Variants in SLC47A2 observed in about 807,000 individuals in gnomAD.
SLC47A2 encodes the protein solute carrier family 47 member 2.
In SLC47A2, 52 loss-of-function variants were observed where a neutral mutation model predicts 67.7. The ratio of observed to expected loss-of-function variants is 0.77; its 90% CI spans 0.61 to 0.97. SLC47A2 has a LOEUF of 0.97. Ranked by LOEUF, SLC47A2 falls within the 50% of genes least tolerant of loss-of-function variation. The pLI is 0.00. For synonymous variants in SLC47A2, 278 were observed against 292.9 expected (o/e 0.95, Z 0.52); for missense variants, 676 against 712.3 (o/e 0.95, Z 0.58).
chr17:19,713,427 T>G (rs2086158505), intron 4 of SLC47A2, among the ~76,000 whole-genome samples: 1 of 151,778 alleles, frequency 6.6e-6, no homozygotes, highest in South Asian at 2.1e-4. Flanking sequence ...ATCATCATCA[T>G]CATCATCTAT....
In SLC47A2 at chr17:19,707,625, G is replaced by A. The variant is rs1041303811; in HGVS notation, c.727+121C>T. Reference sequence around the variant, plus strand: ...AAAGGGGAAGGAGGGGGCCGTGCAGGGTCCTGCACCTCCTCCAACAGGCTC... The same window carrying A: ...AAAGGGGAAGGAGGGGGCCGTGCAGAGTCCTGCACCTCCTCCAACAGGCTC... On this transcript the variant is annotated intron_variant, in intron 8 of 16. Transcript: ENST00000433844. 1.1e-5 allele frequency: 9 copies of A among 788,740 alleles called. No individual in the cohort carries two copies. The African/African-American group carries it at 1.2e-4, about 11-fold the overall frequency. 48.9% of individuals were successfully genotyped at this position (788,740 alleles called of 1,614,324 possible).
At chr17:19,707,094 C>A (rs1319179082) in intron 8 of SLC47A2, among the ~76,000 whole-genome samples, 1 of 152,154 alleles carries the variant, frequency 6.6e-6, no homozygotes, top group Non-Finnish European at 1.5e-5. Context: ...TTATAGCTGC[C>A]CTGCCTCCCT....
Position 19,678,861 on chromosome 17 carries a change from C to T in SLC47A2, c.1526G>A (p.Arg509Lys). 6.2e-7 allele frequency: 1 copy of T among 1,605,512 alleles called. No individual in the cohort carries two copies. The highest frequency in any genetic ancestry group is 8.5e-7 in the Non-Finnish European group (1 of 1,175,464). ...GAAGAAGTCCACGTGGCACTCAGAC[C>T]TTGAATACGTTGTCAAGGTAATGCC... ...SPGITLTTYS[R>K]SECHVDFFRT... The change falls in exon 17 of 17, where the codon AGG (arginine) becomes AAG (lysine). Residue 509 changes from arginine (R) to lysine (K), a missense_variant. By Grantham distance (26) the Arg-to-Lys change is conservative (BLOSUM62 2). Coordinates refer to ENST00000433844, the MANE Select transcript of SLC47A2 (RefSeq NM_001099646.3).
rs1951727000 is a variant in SLC47A2 at position 19,708,316 on chromosome 17, C to T, written c.615G>A (p.Leu205=). Residue 205 remains leucine, a synonymous_variant, in exon 7 of 17, where the codon CTG becomes CTA. Coordinates refer to ENST00000433844, the MANE Select transcript of SLC47A2 (RefSeq NM_001099646.3). ...GVANYALVSV[L]NLGVRGSAYA... The stretch of plus-strand genomic sequence containing the variant: ...CCCGGGCTCACCTGACCCCCAGGTT[C>T]AGCACAGAAACCAGGGCATAGTTGG... 1 of 1,613,028 alleles carries T rather than the reference C, an allele frequency of 6.2e-7. No individual in the cohort carries two copies. Among genetic ancestry groups the T allele is most frequent in the South Asian group, 1.1e-5 (1 of 91,026 alleles).
chr17:19,701,642 T>TAA (rs1567626009), intron 13 of SLC47A2, among the ~76,000 whole-genome samples: 1 of 152,224 alleles, frequency 6.6e-6, no homozygotes, highest in Non-Finnish European at 1.5e-5. Flanking sequence ...TTCTGCTTAT[T>TAA]AAGCAAGAGT....
chr17:19,711,283 A>T (rs1035161956), intron 5 of SLC47A2, among the ~76,000 whole-genome samples: 3 of 152,142 alleles, frequency 2.0e-5, no homozygotes, highest in African/African-American at 7.2e-5. Context: ...GAAAATGTTC[A>T]ACTTCATTAT....
chr17:19,707,195 G>T (rs2085964125), intron 8 of SLC47A2, among the ~76,000 whole-genome samples: 1 of 151,846 alleles, frequency 6.6e-6, no homozygotes, highest in African/African-American at 2.4e-5. Context: ...GCTCAGCCAG[G>T]GCCCTGCCCC....
At chr17:19,708,207 G>T in intron 7 of SLC47A2, 95 bp downstream of exon 7, 3 of 1,410,374 alleles carry the variant, frequency 2.1e-6, no homozygotes, top group Non-Finnish European at 2.9e-6. Flanking sequence ...GACGGCACAG[G>T]CAGGGCCAGG....
In SLC47A2 at chr17:19,712,677, C is replaced by T. The variant is rs372601407; in HGVS notation, c.486+26G>A. On this transcript the variant is annotated intron_variant, in intron 5 of 16. Transcript: ENST00000433844. ...GCCAGAATTTAGGGGAATGTGATTCCACGCTCAGCAAACAGGGGCACCTAC... is the reference window on the plus strand; with the variant it reads ...GCCAGAATTTAGGGGAATGTGATTCTACGCTCAGCAAACAGGGGCACCTAC... The T allele has an allele frequency of 5.2e-5, 84 of 1,611,120 alleles. No individual in the cohort carries two copies. The Middle Eastern group carries it at 6.6e-4, about 13-fold the overall frequency.
chr17:19,680,065 T>C, intron 15 of SLC47A2, 26 bp from the exon 16 acceptor site: 1 of 1,608,834 alleles, frequency 6.2e-7, no homozygotes, highest in Non-Finnish European at 8.5e-7. Flanking sequence ...CTCAATTGGG[T>C]CAACCTGCCA....
In SLC47A2 at chr17:19,705,489, C is replaced by T; in HGVS notation, c.856G>A (p.Val286Met). The change falls in exon 10 of 17, where the codon GTG (valine) becomes ATG (methionine). Residue 286 changes from valine to methionine, a missense_variant. By Grantham distance (21) the Val-to-Met change is conservative. Transcript: ENST00000433844. ...ATGACAGCCTGGGCAGAGAGATCCA[C>T]CACACTGAGCAGCCCTAGAGAAGAG... ...GSFLMGLLSVVDLSAQAVIYE... is the reference protein window; with the variant it reads ...GSFLMGLLSVMDLSAQAVIYE... 1.2e-6 allele frequency: 2 copies of T among 1,610,122 alleles called. No homozygotes were observed. Among genetic ancestry groups the T allele is most frequent in the South Asian group, 1.1e-5 (1 of 90,480 alleles).
At position 19,706,703 on chromosome 17, in the gene SLC47A2, G is replaced by T. The variant is rs199838072; in HGVS notation, c.786C>A (p.Ser262Arg). The T allele has an allele frequency of 1.9e-6, 3 of 1,611,198 alleles. No homozygotes were observed. The African/African-American group carries it at 4.0e-5, about 22-fold the overall frequency. ...ACCACTCAACACAGATCATGAGCAT[G>T]CTGGGGACAGCCAGGGAGAAGAAGG... The part of the protein sequence containing the change: ...WGPFFSLAVP[S>R]MLMICVEWWA... The change falls in exon 9 of 17, where the codon AGC (serine) becomes AGA (arginine). Residue 262 changes from serine to arginine, a missense_variant. Ser to Arg is a moderately radical substitution (Grantham distance 110). Coordinates refer to ENST00000433844, the MANE Select transcript of SLC47A2 (RefSeq NM_001099646.3).
intron 9 of SLC47A2, among the ~76,000 whole-genome samples, chr17:19,705,824 C>A (rs1009901874): frequency 6.6e-6 from 1 of 152,212 alleles, no homozygotes; most frequent in African/African-American, 2.4e-5. Flanking sequence ...GTCTCGAACT[C>A]CTGGCCTCAA....
At chr17:19,684,695 C>CA (rs754988040) in intron 13 of SLC47A2, among the ~76,000 whole-genome samples, 4,253 of 63,342 alleles carry the variant, frequency 0.067, 66 homozygotes, top group African/African-American at 0.092. Context: ...ACTCTTTCTA[C>CA]AAAAAAAAAA....
chr17:19,695,786 C>T (rs887750631), intron 13 of SLC47A2, among the ~76,000 whole-genome samples: 4 of 151,154 alleles, frequency 2.6e-5, no homozygotes, highest in African/African-American at 4.9e-5. Flanking sequence ...TGTAATGGCA[C>T]AACCTTGGCT....
chr17:19,716,689 A>G, upstream of SLC47A2: 1 of 1,320,688 alleles, frequency 7.6e-7, no homozygotes, highest in Non-Finnish European at 1.0e-6. Context: ...AGGAGGGGCT[A>G]CCATGGCAAC....
At chr17:19,680,200 G>A (rs2085283378) in intron 15 of SLC47A2, among the ~76,000 whole-genome samples, 161 bp from the exon 16 acceptor site, 1 of 152,170 alleles carries the variant, frequency 6.6e-6, no homozygotes, top group South Asian at 2.1e-4. Flanking sequence ...TTTTAAGGCT[G>A]GGCATGGTGG....
intron 8 of SLC47A2, among the ~76,000 whole-genome samples, chr17:19,707,176 T>C (rs2085963384): frequency 6.6e-6 from 1 of 151,840 alleles, no homozygotes; most frequent in Admixed American, 6.6e-5. Context: ...CTGGGCAAGC[T>C]TGGAAGGGGC....
intron 13 of SLC47A2, among the ~76,000 whole-genome samples, chr17:19,689,328 C>G (rs754718665): frequency 4.6e-5 from 7 of 152,156 alleles, no homozygotes; most frequent in Non-Finnish European, 8.8e-5. Flanking sequence ...CAACAGCAAA[C>G]AATCTGAAAA....
Sources: allele counts gnomAD v4.1 joint callset (sites outside exome capture counted in the v4.1 genomes callset), GRCh38; gene constraint gnomAD v4.1.1; transcripts MANE v1.5; gene names NCBI Gene and HGNC (gene_info 2026-07-23, HGNC 2026-07-21).